Variants in ABCC4 observed in about 807,000 individuals in gnomAD.
ABCC4 encodes the protein ATP-binding cassette sub-family C member 4.
ABCC4 carries 102 observed loss-of-function variants against 168.5 expected under a neutral mutation model. The ratio of observed to expected loss-of-function variants is 0.61; its 90% confidence interval spans 0.52 to 0.71. The LOEUF (loss-of-function observed/expected upper bound fraction) is 0.71, where lower values mean the gene tolerates loss of function less well. Ranked by LOEUF, ABCC4 falls within the 30% of genes least tolerant of loss-of-function variation. The pLI, the probability that ABCC4 is intolerant of heterozygous loss-of-function variation, is 0.00. For missense variants in ABCC4, 1,402 were observed against 1,605.8 expected, an observed-to-expected ratio of 0.87 and a Z score of 2.17; for synonymous variants, 617 against 590.7, an observed-to-expected ratio of 1.04 and a Z score of -0.65.
chr13:95,101,751 G>A (rs1440015253), intron 20 of ABCC4, among the ~76,000 whole-genome samples: 2 of 152,124 alleles, frequency 1.3e-5, no homozygotes, highest in Non-Finnish European at 2.9e-5. Context: ...AGAGAAAATA[G>A]CCATTAAAGC....
intron 1 of ABCC4, among the ~76,000 whole-genome samples, chr13:95,293,716 C>T (rs941979048): frequency 9.2e-5 from 14 of 151,610 alleles, no homozygotes; most frequent in African/African-American, 2.7e-4. Context: ...CCACCTGCCT[C>T]GGCCTCCCAA....
intron 30 of ABCC4, among the ~76,000 whole-genome samples, chr13:95,028,014 T>C (rs1257551933): frequency 1.3e-5 from 2 of 152,208 alleles, no homozygotes; most frequent in Non-Finnish European, 2.9e-5. Flanking sequence ...CGACCCAGTC[T>C]AGTTTTGAAC....
chr13:95,078,397 A>T (rs1009447853), intron 21 of ABCC4, among the ~76,000 whole-genome samples: 1 of 148,280 alleles, frequency 6.7e-6, no homozygotes, highest in African/African-American at 2.5e-5. Context: ...TGGGTGACAG[A>T]GCGAGACTAT....
chr13:95,178,104 A>T lies in ABCC4; in HGVS notation c.1546-13T>A, dbSNP rs754093649. 8 of 1,608,374 alleles carry T rather than the reference A, an allele frequency of 5.0e-6. No homozygotes were observed. Among genetic ancestry groups the T allele is most frequent in the Non-Finnish European group, 6.0e-6 (7 of 1,174,916 alleles). ...ACAGCTGTAAATCCTGTATGGACAA[A>T]GGAAAGAAGGGGGGAAAAAGAGACT... is the stretch of plus-strand genomic sequence containing the variant. On this transcript the variant is annotated splice_polypyrimidine_tract_variant and intron_variant, in intron 11 of 30. Transcript: ENST00000645237.
At chr13:95,166,898 C>T (rs1054746677) in intron 14 of ABCC4, among the ~76,000 whole-genome samples, 3 of 152,046 alleles carry the variant, frequency 2.0e-5, no homozygotes, top group African/African-American at 7.2e-5. Context: ...TCTAAAATTG[C>T]CCCACAGGCC....
chr13:95,248,380 T>C lies in ABCC4; in HGVS notation c.75-627A>G, dbSNP rs148012216. On this transcript the variant is annotated intron_variant, in intron 1 of 30. Coordinates refer to ENST00000645237, the MANE Select transcript of ABCC4 (RefSeq NM_005845.5). Reference sequence around the variant, plus strand: ...GGAGCTAAAACCAGTCAGTGAAGGTTTGATGGGACATTTACATAATCCAAA... The same window carrying C: ...GGAGCTAAAACCAGTCAGTGAAGGTCTGATGGGACATTTACATAATCCAAA... 1.9e-4 allele frequency among the ~76,000 whole-genome samples: 29 copies of C among 152,330 alleles called. 1 individual carries two copies. Among genetic ancestry groups the C allele is most frequent in the Non-Finnish European group, 4.0e-4 (27 of 68,034 alleles).
intron 8 of ABCC4, among the ~76,000 whole-genome samples, chr13:95,196,611 A>C (rs533987403): frequency 6.3e-3 from 44 of 7,006 alleles, no homozygotes; most frequent in African/African-American, 0.025. Flanking sequence ...GAAGGAAGGA[A>C]GGAAGGAAGG....
intron 19 of ABCC4, among the ~76,000 whole-genome samples, chr13:95,143,126 G>A (rs973218868): frequency 6.6e-6 from 1 of 152,098 alleles, no homozygotes; most frequent in East Asian, 1.9e-4. Context: ...GCCCAAGCCA[G>A]GTTTGATACT....
At position 95,291,009 on chromosome 13, in the gene ABCC4, A is replaced by AAAAAAAAAAAAAAAAAAAAAG. The variant is rs1394530639; in HGVS notation, c.74+10231_74+10232insCTTTTTTTTTTTTTTTTTTTT. Among the ~76,000 whole-genome samples the AAAAAAAAAAAAAAAAAAAAAG allele has an allele frequency of 4.9e-5, 6 of 123,352 alleles. 1 individual carries two copies. Among genetic ancestry groups the AAAAAAAAAAAAAAAAAAAAAG allele is most frequent in the African/African-American group, 5.2e-5 (2 of 38,236 alleles). The allele number at this position is 123,352 out of a possible 152,430, so 80.9% of individuals were successfully genotyped here. A position where few individuals can be genotyped will look rare whatever the true frequency, so the allele number is the denominator to read the frequency against. On this transcript the variant is annotated intron_variant, in intron 1 of 30. Coordinates refer to ENST00000645237, the MANE Select transcript of ABCC4 (RefSeq NM_005845.5). Reference sequence around the variant, plus strand: ...CAAGACCCTGTCTCAAAAAAAAAAAAAGAGGAAACCATGCCAAATGACTTT... The same window carrying AAAAAAAAAAAAAAAAAAAAAG: ...CAAGACCCTGTCTCAAAAAAAAAAAAAAAAAAAAAAAAAAAAAAAAGAGAGGAAACCATGCCAAATGACTTT...
intron 20 of ABCC4, among the ~76,000 whole-genome samples, chr13:95,107,706 C>T (rs1233260656): frequency 6.6e-6 from 1 of 152,150 alleles, no homozygotes; most frequent in Non-Finnish European, 1.5e-5. Flanking sequence ...GTGAGTGGAT[C>T]ACCTGAGGTC....
intron 1 of ABCC4, among the ~76,000 whole-genome samples, chr13:95,253,476 G>T (rs1382750998): frequency 6.6e-6 from 1 of 152,116 alleles, no homozygotes; most frequent in Non-Finnish European, 1.5e-5. Context: ...CTGGCATGAT[G>T]GCTCATGCCT....
chr13:95,268,688 C>A (rs1292392721), intron 1 of ABCC4, among the ~76,000 whole-genome samples: 1 of 152,202 alleles, frequency 6.6e-6, no homozygotes, highest in South Asian at 2.1e-4. Context: ...AAGCACACAG[C>A]ACCTTTTTCT....
chr13:95,225,153 TCACACA>T (rs61398515), intron 4 of ABCC4, among the ~76,000 whole-genome samples: 1,890 of 35,096 alleles, frequency 0.054, 21 homozygotes, highest in East Asian at 0.11. Context: ...TCTCTCTCTC[TCACACA>T]CACACACACA....
At chr13:95,104,962 G>A (rs2034951417) in intron 20 of ABCC4, among the ~76,000 whole-genome samples, 1 of 152,112 alleles carries the variant, frequency 6.6e-6, no homozygotes, top group South Asian at 2.1e-4. Context: ...GTAGTTTCAG[G>A]ATGATTCAAG....
intron 1 of ABCC4, among the ~76,000 whole-genome samples, chr13:95,297,123 T>C (rs1446406151): frequency 6.6e-6 from 1 of 151,756 alleles, no homozygotes; most frequent in Non-Finnish European, 1.5e-5. Flanking sequence ...ACATGAAAAT[T>C]AGCCAGGTAT....
intron 9 of ABCC4, among the ~76,000 whole-genome samples, chr13:95,193,186 G>A (rs1473973757): frequency 1.3e-5 from 2 of 152,230 alleles, no homozygotes; most frequent in Non-Finnish European, 2.9e-5. Flanking sequence ...TGTCCCACAG[G>A]GGAGGACGGA....
chr13:95,295,232 T>C (rs573368606), intron 1 of ABCC4, among the ~76,000 whole-genome samples: 1 of 152,094 alleles, frequency 6.6e-6, no homozygotes, highest in African/African-American at 2.4e-5. Context: ...AATTTACTAT[T>C]TGGCCGGCCA....
chr13:95,289,399 C>G (rs1427223455), intron 1 of ABCC4, among the ~76,000 whole-genome samples: 3 of 152,180 alleles, frequency 2.0e-5, no homozygotes, highest in Non-Finnish European at 4.4e-5. Flanking sequence ...AGACTTGACT[C>G]AGTTCCCAAC....
Position 95,247,035 on chromosome 13 carries a change from T to G in ABCC4, c.246A>C (p.Arg82Ser), listed in dbSNP as rs373968598. 53 of 1,612,610 alleles carry G rather than the reference T, an allele frequency of 3.3e-5. No homozygotes were observed. The highest frequency in any genetic ancestry group is 4.2e-5 in the Non-Finnish European group (50 of 1,178,718). The change falls in exon 3 of 31, where the codon AGA (arginine) becomes AGC (serine). Residue 82 changes from arginine (R) to serine (S), a missense_variant. Arg to Ser is a moderately radical substitution (Grantham distance 110, BLOSUM62 -1). This residue lies in a region of ABCC4 where 317 missense variants were observed against 345.5 expected (regional missense o/e 0.92). Coordinates refer to ENST00000645237, the MANE Select transcript of ABCC4 (RefSeq NM_005845.5). ...ENDAQKPSLTRAIIKCYWKSY... is the reference protein window; with the variant it reads ...ENDAQKPSLTSAIIKCYWKSY... ...ATTTCCAGTAACACTTTATGATTGCTCTTGTTAAAGAAGGCTTCTGTGCGT... is the reference window on the plus strand; with the variant it reads ...ATTTCCAGTAACACTTTATGATTGCGCTTGTTAAAGAAGGCTTCTGTGCGT...
Sources: allele counts gnomAD v4.1 joint callset (sites outside exome capture counted in the v4.1 genomes callset), GRCh38; gene constraint gnomAD v4.1.1; regional missense constraint gnomAD v4.1.1; transcripts MANE v1.5; gene names NCBI Gene and HGNC (gene_info 2026-07-23, HGNC 2026-07-21).